Variants in ESR1 observed in about 807,000 individuals in gnomAD.
The protein encoded by ESR1 is estrogen receptor.
A neutral mutation model predicts 52.7 loss-of-function variants in ESR1; 12 were observed. The ratio of observed to expected loss-of-function variants is 0.23; its 90% CI spans 0.15 to 0.37. The LOEUF (loss-of-function observed/expected upper bound fraction) is 0.37. Among genes scored for constraint, ESR1 ranks in the 10% least tolerant of loss-of-function variants. The probability of loss-of-function intolerance (pLI) is 1.00; values close to 1 mark genes in which losing one functional copy is unlikely to be tolerated. For missense variants in ESR1, 584 were observed against 779.7 expected (o/e 0.75, Z 2.99); for synonymous variants, 305 against 316.8 (o/e 0.96, Z 0.39).
At chr6:151,689,240 T>A (rs955491495), upstream of ESR1, among the ~76,000 whole-genome samples, 13 of 152,108 alleles carry the variant, frequency 8.5e-5, no homozygotes, top group Non-Finnish European at 1.9e-4. Flanking sequence ...AAAAAATATT[T>A]CGCTTTCAAA....
chr6:151,816,892 C>A (rs1779740669), intron 1 of ESR1, among the ~76,000 whole-genome samples: 1 of 151,910 alleles, frequency 6.6e-6, no homozygotes. Flanking sequence ...AAAACAAAAA[C>A]AAAAACAAAG....
At chr6:151,703,554 C>T (rs904069077) in intron 2 of ESR1, among the ~76,000 whole-genome samples, 1 of 152,194 alleles carries the variant, frequency 6.6e-6, no homozygotes. Flanking sequence ...TAGCTTCTTA[C>T]TTCCAAGTGG....
intron 2 of ESR1, among the ~76,000 whole-genome samples, chr6:151,775,349 A>C (rs1785869807): frequency 6.6e-6 from 1 of 152,146 alleles, no homozygotes; most frequent in Non-Finnish European, 1.5e-5. Context: ...TGCTTCAGTG[A>C]GCATTTCCTT....
rs574344850 is a variant in ESR1 at position 151,982,570 on chromosome 6, C to T, written c.1097-29086C>T. 4.7e-5 allele frequency among the ~76,000 whole-genome samples: 7 copies of T among 149,524 alleles called. No homozygotes were observed. The East Asian group carries it at 5.9e-4, about 13-fold the overall frequency. ...TGTGATCTCGGCTCACTGCAAGCTC[C>T]GCCTCCCGGGTTCAAGCCAGTCTCC... On this transcript the variant is annotated intron_variant, in intron 4 of 7. Transcript: ENST00000206249.
intron 4 of ESR1, among the ~76,000 whole-genome samples, chr6:151,957,001 C>T (rs62443577): frequency 4.0e-5 from 6 of 150,364 alleles, no homozygotes; most frequent in Non-Finnish European, 5.9e-5. Context: ...CTCAGCCTCC[C>T]GAGTAGCTGG....
chr6:151,789,019 G>C (rs145631903), intron 2 of ESR1, among the ~76,000 whole-genome samples: 1 of 152,214 alleles, frequency 6.6e-6, no homozygotes, highest in Non-Finnish European at 1.5e-5. Context: ...CTTAATACCT[G>C]GGTGATGAAA....
intron 7 of ESR1, among the ~76,000 whole-genome samples, chr6:152,095,879 A>G (rs1280419544): frequency 2.0e-5 from 3 of 152,232 alleles, no homozygotes; most frequent in Non-Finnish European, 1.5e-5. Flanking sequence ...CATGATGTAG[A>G]GCACATAGTA....
At chr6:152,032,327 A>G (rs1404405788) in intron 5 of ESR1, among the ~76,000 whole-genome samples, 4 of 152,342 alleles carry the variant, frequency 2.6e-5, no homozygotes, top group Non-Finnish European at 4.4e-5. Flanking sequence ...AGGGTATTCA[A>G]TTAGGAAAAG....
At chr6:151,718,901 T>A (rs71575908) in intron 2 of ESR1, among the ~76,000 whole-genome samples, 4 of 152,158 alleles carry the variant, frequency 2.6e-5, no homozygotes, top group African/African-American at 9.7e-5. Context: ...ATCTTAGCTG[T>A]TCTTTTCTTC....
intron 1 of ESR1, among the ~76,000 whole-genome samples, chr6:151,678,718 A>G (rs1778344785): frequency 6.9e-6 from 1 of 144,264 alleles, no homozygotes; most frequent in Non-Finnish European, 1.5e-5. Context: ...ATGGAGTCTT[A>G]CTCCGTTGCC....
rs1468780226 is a variant in ESR1 at position 152,098,913 on chromosome 6, T to C, written c.1735T>C (p.Leu579=). The change falls in exon 8 of 8, where the codon TTG becomes CTG. Residue 579 remains leucine (L), a synonymous_variant. Transcript: ENST00000206249. This position sits in a 1 kb window ranked among gnomAD's most constrained non-coding sequence, Gnocchi z 5.1. ...TGCGGGCTCTACTTCATCGCATTCC[T>C]TGCAAAAGTATTACATCACGGGGGA... ...ATAGSTSSHS[L]QKYYITGEAE... The C allele has an allele frequency of 3.1e-6, 5 of 1,614,104 alleles. No homozygotes were observed. The highest frequency in any genetic ancestry group is 3.4e-6 in the Non-Finnish European group (4 of 1,180,046).
At chr6:152,017,362 G>A (rs1285812341) in intron 5 of ESR1, among the ~76,000 whole-genome samples, 2 of 152,216 alleles carry the variant, frequency 1.3e-5, no homozygotes, top group South Asian at 2.1e-4. Context: ...TCTGTATCCT[G>A]CAGCAGTGAG....
intron 4 of ESR1, among the ~76,000 whole-genome samples, chr6:151,959,272 T>C (rs2037378167): frequency 6.6e-6 from 1 of 152,202 alleles, no homozygotes; most frequent in Non-Finnish European, 1.5e-5. Flanking sequence ...ATTATGTCAT[T>C]AATCAACCTT....
chr6:151,958,973 CGTGT>C (rs58501088), intron 4 of ESR1, among the ~76,000 whole-genome samples: 5 of 148,722 alleles, frequency 3.4e-5, no homozygotes, highest in African/African-American at 9.9e-5. Flanking sequence ...AAAAAGTTTC[CGTGT>C]GTGTGTGTGT....
intron 1 of ESR1, among the ~76,000 whole-genome samples, chr6:151,821,132 C>G (rs1441802494): frequency 1.3e-5 from 2 of 152,052 alleles, no homozygotes; most frequent in African/African-American, 2.4e-5. Context: ...GCTAGGTCCT[C>G]TATTCTGACT....
At chr6:151,776,939 G>A (rs2128116024) in intron 2 of ESR1, among the ~76,000 whole-genome samples, 1 of 152,012 alleles carries the variant, frequency 6.6e-6, no homozygotes, top group East Asian at 1.9e-4. Flanking sequence ...TGAGTTTGAC[G>A]GGATGGGCTA....
At chr6:151,743,109 G>A (rs1430386248) in intron 2 of ESR1, among the ~76,000 whole-genome samples, 3 of 152,160 alleles carry the variant, frequency 2.0e-5, no homozygotes, top group Middle Eastern at 3.2e-3. Flanking sequence ...AGGGGCTTCC[G>A]GTGAATTCCC....
Position 151,807,934 on chromosome 6 carries a change from A to G in ESR1, c.22A>G (p.Lys8Glu). MTMTLHT[K>E]ASGMALLHQI... ...GACCATGACCATGACCCTCCACACCAAAGCATCTGGGATGGCCCTACTGCA... is the reference window on the plus strand; with the variant it reads ...GACCATGACCATGACCCTCCACACCGAAGCATCTGGGATGGCCCTACTGCA... Residue 8 changes from lysine to glutamate, a missense_variant, in exon 1 of 8, where the codon AAA becomes GAA. This residue lies in a region of ESR1 where 251 missense variants were observed against 246.1 expected (regional missense o/e 1.02). Transcript: ENST00000206249. 6.2e-7 allele frequency: 1 copy of G among 1,613,888 alleles called. No homozygotes were observed. Among genetic ancestry groups the G allele is most frequent in the Non-Finnish European group, 8.5e-7 (1 of 1,179,936 alleles).
At chr6:151,957,242 G>C (rs2037106357) in intron 4 of ESR1, among the ~76,000 whole-genome samples, 1 of 152,016 alleles carries the variant, frequency 6.6e-6, no homozygotes, top group South Asian at 2.1e-4. Context: ...CAGTCCCCTA[G>C]TAAGTGTTCA....
Sources: allele counts gnomAD v4.1 joint callset (sites outside exome capture counted in the v4.1 genomes callset), GRCh38; gene constraint gnomAD v4.1.1; regional missense constraint gnomAD v4.1.1; non-coding constraint Gnocchi (gnomAD v3.1); transcripts MANE v1.5; gene names NCBI Gene and HGNC (gene_info 2026-07-23, HGNC 2026-07-21).